CD244: variants seen among roughly 807,000 people sequenced by gnomAD.
The protein encoded by CD244 is natural killer cell receptor 2B4.
Under a neutral mutation model 45.5 loss-of-function variants are expected in CD244, and 20 were observed. The ratio of observed to expected loss-of-function variants is 0.44; its 90% confidence interval spans 0.31 to 0.64. The LOEUF (loss-of-function observed/expected upper bound fraction) is 0.64, where lower values mean the gene tolerates loss of function less well. Among genes scored for constraint, CD244 ranks in the 30% least tolerant of loss-of-function variants. The pLI is 0.08. For missense variants in CD244, 407 were observed against 426.9 expected, an observed-to-expected ratio of 0.95 and a Z score of 0.41; for synonymous variants, 185 against 160.5, an observed-to-expected ratio of 1.15 and a Z score of -1.15.
chr1:160,834,419 G>C (rs539539914), intron 6 of CD244, among the ~76,000 whole-genome samples: 1 of 152,086 alleles, frequency 6.6e-6, no homozygotes, highest in East Asian at 1.9e-4. Flanking sequence ...GCAATGTCTC[G>C]ATCTTGGCTC....
chr1:160,831,392 A>C lies in CD244; in HGVS notation c.1053T>G (p.Ala351=). ...GKSQPKAQNP[A]RLSRKELENF... is the part of the protein sequence containing the mutation. ...TCTCCAGCTCTTTGCGGCTCAATCG[A>C]GCAGGGTTCTGGGCTTTAGGTTGAC... Residue 351 remains alanine, a synonymous_variant, in exon 9 of 9, where the codon GCT becomes GCG. Coordinates refer to ENST00000368034, the MANE Select transcript of CD244 (RefSeq NM_016382.4). 1 of 1,614,186 alleles carries C rather than the reference A, an allele frequency of 6.2e-7. No homozygotes were observed. The highest frequency in any genetic ancestry group is 8.5e-7 in the Non-Finnish European group (1 of 1,179,992).
At chr1:160,832,871 T>A (rs1669178078) in intron 7 of CD244, among the ~76,000 whole-genome samples, 1 of 108,238 alleles carries the variant, frequency 9.2e-6, no homozygotes, top group Non-Finnish European at 1.8e-5. Flanking sequence ...TGTGTGTGTG[T>A]ATATATATAT....
rs16832484 is a variant in CD244, at chr1:160,862,639, G to A, written c.39C>T (p.Leu13=). 4,037 of 1,614,032 alleles carry A rather than the reference G, an allele frequency of 2.5e-3. 77 individuals carry two copies. The African/African-American group carries it at 0.046, about 18-fold the overall frequency. ...TACCTTTGCCCTGATACACCTTGAG[G>A]AGCAGGAGGAGTATGAGGGTGACCA... ...GQVVTLILLL[L]LKVYQGKGCQ... Residue 13 remains leucine, a synonymous_variant, in exon 1 of 9, where the codon CTC becomes CTT. Transcript: ENST00000368034.
chr1:160,850,276 A>G (rs1030048708), intron 1 of CD244, among the ~76,000 whole-genome samples: 1 of 152,152 alleles, frequency 6.6e-6, no homozygotes, highest in African/African-American at 2.4e-5. Flanking sequence ...AGAAATATTT[A>G]AGACCTATAC....
intron 1 of CD244, among the ~76,000 whole-genome samples, chr1:160,844,303 G>T (rs1466443601): frequency 2.0e-5 from 3 of 152,200 alleles, no homozygotes; most frequent in Non-Finnish European, 2.9e-5. Context: ...TAATAGAGTT[G>T]TCAGTCATAA....
At position 160,841,457 on chromosome 1, in the gene CD244, C is replaced by A. The variant is rs1293663334; in HGVS notation, c.408G>T (p.Gly136=). The A allele has an allele frequency of 1.2e-6, 2 of 1,614,058 alleles. No individual in the cohort carries two copies. The highest frequency in any genetic ancestry group is 1.7e-5 in the Admixed American group (1 of 60,016). Residue 136 remains glycine, a synonymous_variant, in exon 3 of 9, where the codon GGG becomes GGT. Transcript: ENST00000368034. ...FDKVEKPRLQ[G]QGKILDRGRC... ...TCCCTCTGTCCAGGATCTTCCCCTG[C>A]CCCTGTAGGCGGGGTTTCTCAACTT... is the stretch of plus-strand genomic sequence containing the variant.
At chr1:160,838,705 C>T in intron 4 of CD244, 187 bp from the exon 5 acceptor site, 1 of 620,830 alleles carries the variant, frequency 1.6e-6, no homozygotes, top group East Asian at 2.7e-5. Flanking sequence ...CCTCCCACAC[C>T]TCCTCCCAAA....
chr1:160,862,673 A>C lies in CD244; in HGVS notation c.5T>G (p.Leu2Arg), dbSNP rs146428268. 321 of 1,614,002 alleles carry C rather than the reference A, an allele frequency of 2.0e-4. No individual in the cohort carries two copies. The highest frequency in any genetic ancestry group is 1.3e-3 in the Middle Eastern group (8 of 6,060). M[L>R]GQVVTLILLL... ...GAGTATGAGGGTGACCACTTGCCCCAGCATTTCCACAGGACAGAGGGGCCA... is the reference window on the plus strand; with the variant it reads ...GAGTATGAGGGTGACCACTTGCCCCCGCATTTCCACAGGACAGAGGGGCCA... The change falls in exon 1 of 9, where the codon CTG becomes CGG. Residue 2 changes from leucine (L) to arginine (R), a missense_variant. Physicochemically the swap from Leu to Arg is moderately radical, Grantham distance 102. Coordinates refer to ENST00000368034, the MANE Select transcript of CD244 (RefSeq NM_016382.4).
At chr1:160,852,391 A>G (rs1334335826) in intron 1 of CD244, among the ~76,000 whole-genome samples, 1 of 151,910 alleles carries the variant, frequency 6.6e-6, no homozygotes, top group Admixed American at 6.6e-5. Context: ...CTCTACTAAA[A>G]ATGCAAAAAT....
At chr1:160,852,010 A>C (rs1389764923) in intron 1 of CD244, among the ~76,000 whole-genome samples, 1 of 152,256 alleles carries the variant, frequency 6.6e-6, no homozygotes, top group Non-Finnish European at 1.5e-5. Flanking sequence ...TTTGCAATAC[A>C]TACATTTGAA....
At chr1:160,853,965 G>A (rs961655947) in intron 1 of CD244, among the ~76,000 whole-genome samples, 2 of 152,056 alleles carry the variant, frequency 1.3e-5, no homozygotes, top group African/African-American at 4.8e-5. Context: ...GGTGGGAGCT[G>A]CCATTGAAAG....
chr1:160,832,006 G>A (rs1669142483), intron 8 of CD244, among the ~76,000 whole-genome samples: 1 of 152,160 alleles, frequency 6.6e-6, no homozygotes, highest in East Asian at 1.9e-4. Flanking sequence ...CCCAAGAAAT[G>A]TTGAGTCCCT....
chr1:160,832,807 A>G lies in CD244; in HGVS notation c.961-232T>C. 3 of 780,552 alleles carry G rather than the reference A, an allele frequency of 3.8e-6. No individual in the cohort carries two copies. In the South Asian group the frequency reaches 4.3e-5, roughly 11 times the overall value. 48.4% of individuals were successfully genotyped at this position (780,552 alleles called of 1,614,324 possible). A position where few individuals can be genotyped will look rare whatever the true frequency, so the allele number is the denominator to read the frequency against. On this transcript the variant is annotated intron_variant, in intron 7 of 8. Coordinates refer to ENST00000368034, the MANE Select transcript of CD244 (RefSeq NM_016382.4). ...TATAATATGATATTTCTGAACCAAA[A>G]TCAGAATTTGCTGTTCCATACCCAC...
chr1:160,858,084 TAA>T (rs148027839), intron 1 of CD244, among the ~76,000 whole-genome samples: 2 of 146,206 alleles, frequency 1.4e-5, no homozygotes, highest in Non-Finnish European at 1.5e-5. Context: ...AATAAAAAAT[TAA>T]AAAAAAAAAC....
intron 1 of CD244, among the ~76,000 whole-genome samples, chr1:160,856,897 GAA>G (rs57103169): frequency 2.6e-5 from 4 of 151,722 alleles, no homozygotes; most frequent in Admixed American, 6.6e-5. Flanking sequence ...AATAGAATAG[GAA>G]AAAAAATTGC....
chr1:160,843,240 A>G (rs1669610754), intron 1 of CD244, among the ~76,000 whole-genome samples: 3 of 152,202 alleles, frequency 2.0e-5, no homozygotes. Flanking sequence ...TCCCATTTAT[A>G]TTTATATGAC....
intron 1 of CD244, among the ~76,000 whole-genome samples, chr1:160,845,169 T>C (rs1273214647): frequency 1.3e-5 from 2 of 152,094 alleles, no homozygotes; most frequent in Admixed American, 1.3e-4. Context: ...TAGGTCATTA[T>C]GCAGCAATAG....
rs143277119 is a variant in CD244, at chr1:160,831,561, G to T, written c.1018-134C>A. Reference sequence around the variant, plus strand: ...CAGAGTGACAAAACAAATTACTCAGGATCCACGACTAGTGTGAAGTGCAGG... The same window carrying T: ...CAGAGTGACAAAACAAATTACTCAGTATCCACGACTAGTGTGAAGTGCAGG... On this transcript the variant is annotated intron_variant, in intron 8 of 8. Transcript: ENST00000368034. The T allele has an allele frequency of 1.8e-5, 12 of 659,146 alleles. No homozygotes were observed. The East Asian group carries it at 3.2e-4, about 18-fold the overall frequency. The allele number at this position is 659,146 out of a possible 1,614,324, so 40.8% of individuals were successfully genotyped here.
chr1:160,853,131 C>A (rs1434519564), intron 1 of CD244, among the ~76,000 whole-genome samples: 1 of 152,098 alleles, frequency 6.6e-6, no homozygotes, highest in Non-Finnish European at 1.5e-5. Flanking sequence ...AAATGTCTAT[C>A]ACGATTAGAT....
Sources: allele counts gnomAD v4.1 joint callset (sites outside exome capture counted in the v4.1 genomes callset), GRCh38; gene constraint gnomAD v4.1.1; transcripts MANE v1.5; gene names NCBI Gene and HGNC (gene_info 2026-07-23, HGNC 2026-07-21).